Variants in PLA2R1 observed in about 807,000 individuals in gnomAD.
PLA2R1 encodes the protein phospholipase A2 receptor 1.
A neutral mutation model predicts 195.9 loss-of-function variants in PLA2R1; 158 were observed. That is an observed-to-expected ratio of 0.81 (90% CI 0.71 to 0.92). The LOEUF (loss-of-function observed/expected upper bound fraction) is 0.92, where lower values mean the gene tolerates loss of function less well. Ranked by LOEUF, PLA2R1 falls within the 40% of genes least tolerant of loss-of-function variation. PLA2R1 has a pLI of 0.00. For missense variants in PLA2R1, 1,626 were observed against 1,764.6 expected (o/e 0.92, Z 1.41); for synonymous variants, 586 against 598.2 (o/e 0.98, Z 0.30).
At chr2:159,968,130 A>G (rs1688906317) in intron 19 of PLA2R1, among the ~76,000 whole-genome samples, 1 of 152,226 alleles carries the variant, frequency 6.6e-6, no homozygotes, top group South Asian at 2.1e-4. Context: ...AACTTCCAAG[A>G]AAACAGCATT....
chr2:159,947,629 A>G (rs1687472821), intron 25 of PLA2R1, 70 bp from the exon 26 acceptor site: 4 of 1,357,184 alleles, frequency 2.9e-6, no homozygotes, highest in Admixed American at 1.9e-5. Context: ...ATATTACATT[A>G]CATTCTATAA....
At chr2:159,999,713 A>G (rs1430942684) in intron 11 of PLA2R1, among the ~76,000 whole-genome samples, 1 of 152,194 alleles carries the variant, frequency 6.6e-6, no homozygotes, top group Non-Finnish European at 1.5e-5. Context: ...GTAAAAGTTC[A>G]TTAAATGAAT....
At chr2:159,927,144 G>T (rs1378881624), downstream of PLA2R1, among the ~76,000 whole-genome samples, 1 of 152,170 alleles carries the variant, frequency 6.6e-6, no homozygotes, top group Non-Finnish European at 1.5e-5. Flanking sequence ...GACTGGGAGG[G>T]AGGAAGGGTA....
intron 20 of PLA2R1, among the ~76,000 whole-genome samples, chr2:159,962,967 G>C (rs1373139594): frequency 6.6e-6 from 1 of 152,176 alleles, no homozygotes; most frequent in East Asian, 1.9e-4. Context: ...AACCACCATG[G>C]CACGTGTATA....
the PLA2R1 span, among the ~76,000 whole-genome samples, chr2:159,924,733 G>T: frequency 7.0e-5 from 10 of 143,124 alleles, no homozygotes; most frequent in African/African-American, 1.2e-4. Flanking sequence ...GGGGGCTGGG[G>T]GGGGGGCGGT....
chr2:160,016,277 G>A (rs6741047), intron 9 of PLA2R1, among the ~76,000 whole-genome samples: 74,233 of 129,778 alleles, frequency 0.57, 21,224 homozygotes, highest in Non-Finnish European at 0.62. Flanking sequence ...AAAAAAAAAA[G>A]AAAAAGAAAA....
chr2:160,055,776 C>G (rs539465906), intron 1 of PLA2R1, among the ~76,000 whole-genome samples: 1 of 152,160 alleles, frequency 6.6e-6, no homozygotes, highest in East Asian at 1.9e-4. Context: ...GACAATGTGT[C>G]GATGTAAATA....
chr2:160,022,754 G>C lies in PLA2R1; in HGVS notation c.1205C>G (p.Ala402Gly). ...GTTATCAGCCTGACAAGAACGCAGA[G>C]CCTCATGCCAGGTCTTTTCTTCTTT... The part of the protein sequence containing the change: ...LQKEEKTWHE[A>G]LRSCQADNSA... The change falls in exon 7 of 30, where the codon GCT becomes GGT. Residue 402 changes from alanine (A) to glycine (G), a missense_variant. Physicochemically the swap from Ala to Gly is moderately conservative, Grantham distance 60. Transcript: ENST00000283243. The C allele has an allele frequency of 6.2e-7, 1 of 1,613,146 alleles. No individual in the cohort carries two copies. The highest frequency in any genetic ancestry group is 1.1e-5 in the South Asian group (1 of 91,072).
At chr2:159,928,138 G>C (rs766068381), downstream of PLA2R1, among the ~76,000 whole-genome samples, 5 of 152,164 alleles carry the variant, frequency 3.3e-5, no homozygotes, top group Non-Finnish European at 7.4e-5. Flanking sequence ...TTCTGGTCCA[G>C]GGGATGCCAT....
chr2:159,942,386 T>C (rs1687134638), intron 28 of PLA2R1, among the ~76,000 whole-genome samples: 1 of 152,242 alleles, frequency 6.6e-6, no homozygotes, highest in South Asian at 2.1e-4. Context: ...AAATGTTTAC[T>C]AGCTGGCCCT....
chr2:160,036,617 GAGGCCTTGGGCCAAGGT>G (rs894447278), intron 3 of PLA2R1, among the ~76,000 whole-genome samples: 2 of 152,144 alleles, frequency 1.3e-5, no homozygotes, highest in African/African-American at 4.8e-5. Context: ...CTTTCTATGT[GAGGCCTTGGGCCAAGGT>G]CCTCTTCAGG....
chr2:159,961,235 G>A (rs1449537443), intron 20 of PLA2R1, among the ~76,000 whole-genome samples: 1 of 152,190 alleles, frequency 6.6e-6, no homozygotes, highest in Non-Finnish European at 1.5e-5. Context: ...TGGTGACTCT[G>A]ACATTGTGCC....
chr2:159,927,833 G>C (rs907287496), downstream of PLA2R1, among the ~76,000 whole-genome samples: 4 of 152,162 alleles, frequency 2.6e-5, no homozygotes, highest in African/African-American at 9.7e-5. Context: ...AAGACACCCA[G>C]ATCAGAACTG....
At chr2:160,020,060 A>C in intron 8 of PLA2R1, 46 bp downstream of exon 8, 2 of 1,470,496 alleles carry the variant, frequency 1.4e-6, no homozygotes, top group Non-Finnish European at 1.9e-6. Flanking sequence ...GGTGGCCTTC[A>C]GTACAAGACC....
intron 11 of PLA2R1, among the ~76,000 whole-genome samples, chr2:160,004,785 T>C (rs1691862608): frequency 6.6e-6 from 1 of 152,140 alleles, no homozygotes; most frequent in Non-Finnish European, 1.5e-5. Context: ...GGTTCTAGTG[T>C]AGGCTGTGGC....
At chr2:159,980,897 T>C (rs934858734) in intron 13 of PLA2R1, among the ~76,000 whole-genome samples, 1 of 152,222 alleles carries the variant, frequency 6.6e-6, no homozygotes, top group East Asian at 1.9e-4. Flanking sequence ...ACAAATTAAA[T>C]TCAAATTCAG....
chr2:159,963,953 T>C (rs1252944768), intron 20 of PLA2R1, among the ~76,000 whole-genome samples: 3 of 151,964 alleles, frequency 2.0e-5, no homozygotes, highest in Non-Finnish European at 4.4e-5. Flanking sequence ...TTATTCACAA[T>C]AGTCAAAAGG....
chr2:159,989,893 T>C (rs1690641839), intron 11 of PLA2R1, among the ~76,000 whole-genome samples: 1 of 152,206 alleles, frequency 6.6e-6, no homozygotes. Flanking sequence ...CAGACAATGA[T>C]TAAATAGCTT....
the PLA2R1 span, among the ~76,000 whole-genome samples, chr2:159,925,614 GCTTC>G: frequency 2.5e-4 from 38 of 151,918 alleles, no homozygotes; most frequent in African/African-American, 9.2e-4. Context: ...AATCTTGGAG[GCTTC>G]CTATTTCTTT....
Sources: gnomAD v4.1 joint callset for allele counts (sites outside exome capture counted in the v4.1 genomes callset) on GRCh38, gnomAD v4.1.1 for gene constraint, MANE v1.5 for transcripts, NCBI Gene and HGNC (gene_info 2026-07-23, HGNC 2026-07-21) for gene names.